LONRF1: variants seen among roughly 807,000 people sequenced by gnomAD.
LONRF1 encodes the protein LON peptidase N-terminal domain and ring finger 1.
In LONRF1, 37 loss-of-function variants were observed where a neutral mutation model predicts 85.8. That is an observed-to-expected ratio of 0.43 (90% CI 0.33 to 0.57). The LOEUF (loss-of-function observed/expected upper bound fraction) is 0.57. LONRF1 is among the 20% of genes least tolerant of loss of function. The pLI is 0.04. For missense variants in LONRF1, 1,036 were observed against 978.0 expected (o/e 1.06, Z -0.79); for synonymous variants, 517 against 390.1 (o/e 1.33, Z -3.83).
intron 1 of LONRF1, among the ~76,000 whole-genome samples, chr8:12,746,773 T>C (rs944010574): frequency 1.3e-5 from 2 of 152,172 alleles, no homozygotes; most frequent in African/African-American, 4.8e-5. Context: ...ATCATACAGC[T>C]AGTAATTGGT....
At chr8:12,732,148 C>T (rs1036670011) in intron 7 of LONRF1, among the ~76,000 whole-genome samples, 1 of 152,180 alleles carries the variant, frequency 6.6e-6, no homozygotes. Flanking sequence ...CCTGCCCTGC[C>T]GTCTTCCACA....
intron 1 of LONRF1, among the ~76,000 whole-genome samples, chr8:12,746,977 G>A (rs1001128547): frequency 5.9e-5 from 9 of 152,262 alleles, no homozygotes; most frequent in South Asian, 4.1e-4. Context: ...TGCCTTCATC[G>A]TATATATACA....
intron 2 of LONRF1, 150 bp downstream of exon 2, chr8:12,743,014 T>C (rs189734062): frequency 3.2e-5 from 20 of 621,794 alleles, no homozygotes; most frequent in Admixed American, 2.8e-4. Context: ...AAATGAGCCA[T>C]TGCACCTAGG....
At chr8:12,733,681 A>G (rs1215767085) in intron 7 of LONRF1, among the ~76,000 whole-genome samples, 1 of 152,192 alleles carries the variant, frequency 6.6e-6, no homozygotes, top group Non-Finnish European at 1.5e-5. Flanking sequence ...TATAAAAAAG[A>G]GAACAAGAAA....
At chr8:12,754,210 A>C in intron 1 of LONRF1, 1 of 152,698 alleles carries the variant, frequency 6.5e-6, no homozygotes, top group Non-Finnish European at 1.5e-5. Context: ...TGGGTGAGGA[A>C]GGGAGACGCC....
chr8:12,724,530 C>T (rs1333003090), intron 11 of LONRF1, among the ~76,000 whole-genome samples: 4 of 152,168 alleles, frequency 2.6e-5, no homozygotes, highest in Admixed American at 1.3e-4. Flanking sequence ...CTACATCCTA[C>T]GTCAAACCCT....
chr8:12,747,756 C>CT (rs71205087), intron 1 of LONRF1, among the ~76,000 whole-genome samples: 212 of 34,642 alleles, frequency 6.1e-3, no homozygotes, highest in Non-Finnish European at 0.036. Context: ...AAATCTCTCT[C>CT]TTTTTTTTTT....
chr8:12,723,393 C>G, intron 11 of LONRF1, 139 bp from the exon 12 acceptor site: 1 of 707,826 alleles, frequency 1.4e-6, no homozygotes, highest in South Asian at 2.3e-5. Flanking sequence ...AACAATTATG[C>G]AAAGTATAAA....
chr8:12,749,343 C>T (rs1300010812), intron 1 of LONRF1, among the ~76,000 whole-genome samples: 2 of 152,208 alleles, frequency 1.3e-5, no homozygotes, highest in Non-Finnish European at 2.9e-5. Context: ...AGCAAAAGAC[C>T]TTACCAAAGG....
chr8:12,755,116 C>A lies in LONRF1; in HGVS notation c.305G>T (p.Gly102Val). The A allele has an allele frequency of 6.8e-7, 1 of 1,459,868 alleles. No individual in the cohort carries two copies. The highest frequency in any genetic ancestry group is 9.0e-7 in the Non-Finnish European group (1 of 1,110,404). The allele number at this position is 1,459,868 out of a possible 1,614,324, so 90.4% of individuals were successfully genotyped here. Residue 102 changes from glycine to valine, a missense_variant, in exon 1 of 12, where the codon GGG (glycine) becomes GTG (valine). Around this residue, in one of 3 missense-constraint regions of LONRF1, gnomAD observed 742 missense variants for 614.4 expected, o/e 1.21. Coordinates refer to ENST00000398246, the MANE Select transcript of LONRF1 (RefSeq NM_152271.5). ...AACCGGGGCCGCGCTCCAGCCCAGC[C>A]CGTGGCGGAGCCGGTAGTTGAACAC... ...CLVFNYRLRH[G>V]LGWSAAPVAG...
chr8:12,728,915 G>C lies in LONRF1; in HGVS notation c.1996C>G (p.Leu666Val), dbSNP rs370013354. ...TTTTAAAATACCTTAACATCTTCCA[G>C]ATATTCAATGTCGGCAGTGCAATAT... Reference protein sequence around the residue: ...DGYCTADIEYLEDVKVENEDE... With the variant: ...DGYCTADIEYVEDVKVENEDE... Residue 666 changes from leucine (L) to valine (V), a missense_variant, in exon 10 of 12, where the codon CTG (leucine) becomes GTG (valine). Physicochemically the swap from Leu to Val is conservative, Grantham distance 32. Around this residue, in one of 3 missense-constraint regions of LONRF1, gnomAD observed 265 missense variants for 301.5 expected, o/e 0.88. Coordinates refer to ENST00000398246, the MANE Select transcript of LONRF1 (RefSeq NM_152271.5). The C allele has an allele frequency of 3.1e-6, 5 of 1,613,728 alleles. No individual in the cohort carries two copies. Among genetic ancestry groups the C allele is most frequent in the Non-Finnish European group, 4.2e-6 (5 of 1,179,834 alleles).
intron 1 of LONRF1, among the ~76,000 whole-genome samples, chr8:12,751,296 G>GTTTTTTTTT (rs869038024): frequency 5.0e-4 from 35 of 69,528 alleles, no homozygotes; most frequent in South Asian, 6.3e-4. Context: ...TTATTTTTAT[G>GTTTTTTTTT]TTTTTTTTTT....
rs1805913383 is a variant in LONRF1 at position 12,722,172 on chromosome 8, A to G, written c.*924T>C. 6.6e-6 allele frequency: 1 copy of G among 152,518 alleles called. No individual in the cohort carries two copies. The allele number at this position is 152,518 out of a possible 1,614,324, so 9.4% of individuals were successfully genotyped here. On this transcript the variant is annotated 3_prime_UTR_variant, in exon 12 of 12. Coordinates refer to ENST00000398246, the MANE Select transcript of LONRF1 (RefSeq NM_152271.5). ...CTTTAAAAGCTTAGTTCTATATTAA[A>G]CTTCTTCTCTTTTCCCAGATCCTTA...
intron 4 of LONRF1, among the ~76,000 whole-genome samples, chr8:12,737,632 G>A (rs1798771472): frequency 6.6e-6 from 1 of 152,068 alleles, no homozygotes. Context: ...ACAGATACAA[G>A]GGATGACTGT....
intron 2 of LONRF1, among the ~76,000 whole-genome samples, 192 bp downstream of exon 2, chr8:12,742,972 C>T (rs374517269): frequency 5.3e-5 from 8 of 152,278 alleles, no homozygotes; most frequent in African/African-American, 1.7e-4. Context: ...GCAATCCGTC[C>T]AACTCAGCGT....
intron 8 of LONRF1, among the ~76,000 whole-genome samples, chr8:12,730,701 C>A (rs2117245686): frequency 6.6e-6 from 1 of 152,260 alleles, no homozygotes; most frequent in Middle Eastern, 3.4e-3. Context: ...ATTGTCATAT[C>A]ATTTTATAAA....
chr8:12,732,965 T>G (rs924631829), intron 7 of LONRF1, among the ~76,000 whole-genome samples: 5 of 151,714 alleles, frequency 3.3e-5, no homozygotes, highest in Non-Finnish European at 7.4e-5. Flanking sequence ...CAATGAAGAG[T>G]AGATGGGGAA....
intron 6 of LONRF1, 72 bp from the exon 7 acceptor site, chr8:12,735,472 C>T (rs1050659933): frequency 1.2e-5 from 11 of 924,138 alleles, no homozygotes; most frequent in Non-Finnish European, 1.9e-5. Flanking sequence ...TACTTTAGAA[C>T]CATAACACTA....
At chr8:12,751,294 A>ATGTTTTTTTTTTTTTTGTTT (rs1554469326) in intron 1 of LONRF1, among the ~76,000 whole-genome samples, 1 of 84,808 alleles carries the variant, frequency 1.2e-5, no homozygotes, top group Non-Finnish European at 2.3e-5. Context: ...TTTTATTTTT[A>ATGTTTTTTTTTTTTTTGTTT]TGTTTTTTTT....
Sources: gnomAD v4.1 joint callset for allele counts (sites outside exome capture counted in the v4.1 genomes callset) on GRCh38, gnomAD v4.1.1 for gene constraint, gnomAD v4.1.1 regional missense constraint, MANE v1.5 for transcripts, NCBI Gene and HGNC (gene_info 2026-07-23, HGNC 2026-07-21) for gene names.